Variants in CDH4 observed in about 807,000 individuals in gnomAD.
The protein encoded by CDH4 is cadherin 4.
Under a neutral mutation model 86.0 loss-of-function variants are expected in CDH4, and 33 were observed. The ratio of observed to expected loss-of-function variants is 0.38; its 90% CI spans 0.29 to 0.51. The LOEUF is 0.51. Ranked by LOEUF, CDH4 falls within the 20% of genes least tolerant of loss-of-function variation. The probability of loss-of-function intolerance (pLI) is 0.86; values close to 1 mark genes in which losing one functional copy is unlikely to be tolerated. For synonymous variants in CDH4, 555 were observed against 549.4 expected (o/e 1.01, Z -0.14); for missense variants, 1,114 against 1,307.4 (o/e 0.85, Z 2.28).
intron 2 of CDH4, among the ~76,000 whole-genome samples, chr20:61,548,476 C>T (rs780825531): frequency 6.7e-6 from 1 of 149,746 alleles, no homozygotes; most frequent in African/African-American, 2.4e-5. Context: ...CAGTTCCCCG[C>T]CCCCCCATTA....
At chr20:61,836,439 T>A (rs1008749463) in intron 4 of CDH4, among the ~76,000 whole-genome samples, 2 of 152,256 alleles carry the variant, frequency 1.3e-5, no homozygotes, top group Non-Finnish European at 2.9e-5. Context: ...GGGCTTTTTG[T>A]CATTGCTAAA....
rs531499173 is a variant in CDH4 at position 61,768,363 on chromosome 20, C to T, written c.397-4640C>T. ...GTGCATTCATATATATCTATATGTG[C>T]ATGTGCGTACATGCATGCATACATG... On this transcript the variant is annotated intron_variant, in intron 3 of 15. Transcript: ENST00000614565. Among the ~76,000 whole-genome samples, 16 of 152,264 alleles carry T rather than the reference C, an allele frequency of 1.1e-4. No individual in the cohort carries two copies. In the South Asian group the frequency reaches 3.1e-3, roughly 30 times the overall value.
chr20:61,805,542 G>A (rs1263740229), intron 4 of CDH4, among the ~76,000 whole-genome samples: 8 of 152,202 alleles, frequency 5.3e-5, no homozygotes, highest in Non-Finnish European at 1.2e-4. Flanking sequence ...CTCCTGCGAG[G>A]AAACACAGGC....
At chr20:61,374,007 G>A (rs984000936) in intron 2 of CDH4, among the ~76,000 whole-genome samples, 4 of 152,172 alleles carry the variant, frequency 2.6e-5, no homozygotes, top group Non-Finnish European at 5.9e-5. Context: ...CTGGCAGTGC[G>A]CACGGCGGGT....
chr20:61,384,826 C>T (rs533190209), intron 2 of CDH4, among the ~76,000 whole-genome samples: 22 of 152,272 alleles, frequency 1.4e-4, no homozygotes, highest in Non-Finnish European at 2.4e-4. Flanking sequence ...TTAAACAAAT[C>T]TCTTTAAACA....
chr20:61,924,295 C>A, intron 10 of CDH4, 39 bp from the exon 11 acceptor site: 1 of 1,581,176 alleles, frequency 6.3e-7, no homozygotes, highest in Non-Finnish European at 8.6e-7. Flanking sequence ...CCCCGCCCAC[C>A]CCCAGCCTTA....
At chr20:61,670,375 T>C (rs958720098) in intron 2 of CDH4, among the ~76,000 whole-genome samples, 9 of 152,192 alleles carry the variant, frequency 5.9e-5, no homozygotes, top group African/African-American at 1.2e-4. Context: ...TGACTGTCAT[T>C]GTCCCAGCCT....
intron 2 of CDH4, among the ~76,000 whole-genome samples, chr20:61,561,014 A>G (rs1320666253): frequency 2.0e-5 from 3 of 152,168 alleles, no homozygotes; most frequent in African/African-American, 7.2e-5. Context: ...TGATCAGGCC[A>G]TTGATTATGC....
intron 3 of CDH4, among the ~76,000 whole-genome samples, chr20:61,759,337 C>CT (rs2088604318): frequency 6.6e-6 from 1 of 152,212 alleles, no homozygotes; most frequent in African/African-American, 2.4e-5. Flanking sequence ...TGGACACAGT[C>CT]TTTTGTAGCT....
At chr20:61,908,044 G>C (rs2054809734) in intron 8 of CDH4, among the ~76,000 whole-genome samples, 1 of 152,214 alleles carries the variant, frequency 6.6e-6, no homozygotes, top group African/African-American at 2.4e-5. Flanking sequence ...ACCCAGAGCT[G>C]GGCCGGGCTG....
intron 2 of CDH4, among the ~76,000 whole-genome samples, chr20:61,618,419 T>A (rs2145769882): frequency 6.6e-6 from 1 of 152,146 alleles, no homozygotes; most frequent in African/African-American, 2.4e-5. Flanking sequence ...TCTGAATGAA[T>A]CAACAAAGGA....
chr20:61,776,437 C>T (rs67006108), intron 4 of CDH4, among the ~76,000 whole-genome samples: 3,910 of 152,264 alleles, frequency 0.026, 164 homozygotes, highest in African/African-American at 0.088. Flanking sequence ...AGGAAACCAC[C>T]CCCAGCATCT....
intron 2 of CDH4, among the ~76,000 whole-genome samples, chr20:61,332,401 A>T (rs2084587398): frequency 6.6e-6 from 1 of 152,206 alleles, no homozygotes; most frequent in African/African-American, 2.4e-5. Context: ...GCTGCCTCCC[A>T]TGCCCTCAAC....
At chr20:61,452,190 C>T (rs1053580927) in intron 2 of CDH4, among the ~76,000 whole-genome samples, 6 of 152,166 alleles carry the variant, frequency 3.9e-5, no homozygotes, top group African/African-American at 7.2e-5. Flanking sequence ...CTTCCCAGGC[C>T]GGGCCCACAA....
At chr20:61,484,893 C>T (rs2085587645) in intron 2 of CDH4, among the ~76,000 whole-genome samples, 1 of 152,196 alleles carries the variant, frequency 6.6e-6, no homozygotes, top group Admixed American at 6.5e-5. Context: ...GTTTCCATCT[C>T]ATCTGTTTGC....
intron 2 of CDH4, among the ~76,000 whole-genome samples, chr20:61,261,773 G>C (rs1490363632): frequency 6.6e-6 from 1 of 152,228 alleles, no homozygotes; most frequent in Admixed American, 6.5e-5. Flanking sequence ...ACACAGGTAT[G>C]TGCAGTAAAC....
chr20:61,346,908 G>A (rs1385660046), intron 2 of CDH4, among the ~76,000 whole-genome samples: 1 of 152,042 alleles, frequency 6.6e-6, no homozygotes, highest in Non-Finnish European at 1.5e-5. Flanking sequence ...CCCCCCATCT[G>A]TCCCTCATCC....
At chr20:61,530,255 T>A (rs1245364286) in intron 2 of CDH4, among the ~76,000 whole-genome samples, 3 of 152,164 alleles carry the variant, frequency 2.0e-5, no homozygotes, top group African/African-American at 7.2e-5. Flanking sequence ...GGTCTCGAAC[T>A]CCTGACCTCA....
intron 2 of CDH4, among the ~76,000 whole-genome samples, chr20:61,555,506 C>T (rs189318382): frequency 5.3e-5 from 8 of 152,298 alleles, no homozygotes; most frequent in Non-Finnish European, 8.8e-5. Context: ...CTCTCCAGCC[C>T]GGTCCATTTG....
Sources: gnomAD v4.1 joint callset for allele counts (sites outside exome capture counted in the v4.1 genomes callset) on GRCh38, gnomAD v4.1.1 for gene constraint, MANE v1.5 for transcripts, NCBI Gene and HGNC (gene_info 2026-07-23, HGNC 2026-07-21) for gene names.